PRKCB: variants seen among roughly 807,000 people sequenced by gnomAD.
PRKCB encodes the protein protein kinase C beta type.
In PRKCB, 13 loss-of-function variants were observed where a neutral mutation model predicts 81.5. The observed-to-expected ratio is 0.16, with a 90% CI of 0.10 to 0.25. The LOEUF (loss-of-function observed/expected upper bound fraction) is 0.25. Ranked by LOEUF, PRKCB falls within the 10% of genes least tolerant of loss-of-function variation. The probability of loss-of-function intolerance (pLI) is 1.00; values close to 1 mark genes in which losing one functional copy is unlikely to be tolerated. For missense variants in PRKCB, 509 were observed against 875.7 expected (o/e 0.58, Z 5.29); for synonymous variants, 335 against 321.4 (o/e 1.04, Z -0.45).
chr16:24,193,452 T>TAAATAAATAAATA (rs1349389540), intron 16 of PRKCB, among the ~76,000 whole-genome samples: 23 of 7,934 alleles, frequency 2.9e-3, no homozygotes, highest in African/African-American at 0.012. Context: ...CTCAAATAAA[T>TAAATAAATAAATA]AAATAAATAA....
At chr16:23,869,672 C>T (rs910424292) in intron 2 of PRKCB, among the ~76,000 whole-genome samples, 1 of 152,012 alleles carries the variant, frequency 6.6e-6, no homozygotes, top group Non-Finnish European at 1.5e-5. Context: ...TTCATTTCAA[C>T]CCATTTATTT....
chr16:23,970,154 G>T (rs1294288947), intron 2 of PRKCB, among the ~76,000 whole-genome samples: 4 of 152,254 alleles, frequency 2.6e-5, no homozygotes, highest in Non-Finnish European at 4.4e-5. Context: ...AGAAGGCTGA[G>T]TTAAGAGACT....
intron 2 of PRKCB, among the ~76,000 whole-genome samples, chr16:23,934,973 T>A (rs796827793): frequency 1.4e-4 from 21 of 152,290 alleles, no homozygotes; most frequent in African/African-American, 5.1e-4. Context: ...AATGCTTGAG[T>A]CTTTGAGTAT....
chr16:23,866,404 C>CA (rs1377843238), intron 2 of PRKCB, among the ~76,000 whole-genome samples: 1 of 152,174 alleles, frequency 6.6e-6, no homozygotes, highest in Non-Finnish European at 1.5e-5. Context: ...AGTACAATCT[C>CA]ATCAGGATAA....
intron 2 of PRKCB, among the ~76,000 whole-genome samples, chr16:23,987,795 G>GAACAAC (rs147920262): frequency 2.4e-4 from 36 of 151,966 alleles, no homozygotes; most frequent in African/African-American, 8.5e-4. Flanking sequence ...AAGATGATTT[G>GAACAAC]AACAACAACA....
intron 10 of PRKCB, among the ~76,000 whole-genome samples, chr16:24,160,358 G>A (rs2141957747): frequency 6.6e-6 from 1 of 152,274 alleles, no homozygotes; most frequent in South Asian, 2.1e-4. Context: ...TGAGCAGGAA[G>A]GTGACACCTC....
intron 2 of PRKCB, among the ~76,000 whole-genome samples, chr16:23,863,084 A>C: frequency 6.7e-6 from 1 of 148,156 alleles, no homozygotes; most frequent in Non-Finnish European, 1.5e-5. Flanking sequence ...TATGATTTAT[A>C]TATATGATTA....
chr16:24,012,714 G>A (rs142556014), intron 3 of PRKCB, among the ~76,000 whole-genome samples: 12 of 152,328 alleles, frequency 7.9e-5, no homozygotes, highest in African/African-American at 1.2e-4. Flanking sequence ...TTGTGTCAGC[G>A]TACCACAAGG....
At chr16:23,858,991 TGTGGTGGCTC>T (rs1398233575) in intron 2 of PRKCB, among the ~76,000 whole-genome samples, 1 of 151,836 alleles carries the variant, frequency 6.6e-6, no homozygotes, top group Non-Finnish European at 1.5e-5. Context: ...ATGAGCTAGG[TGTGGTGGCTC>T]GTGCTTATAT....
chr16:24,112,166 T>G (rs767477720), intron 7 of PRKCB, among the ~76,000 whole-genome samples: 5 of 152,180 alleles, frequency 3.3e-5, no homozygotes, highest in Admixed American at 6.5e-5. Flanking sequence ...GTCACCTAAA[T>G]GCAGTTGAGT....
intron 11 of PRKCB, chr16:24,174,268 G>T (rs1268135426): frequency 9.3e-6 from 4 of 431,008 alleles, no homozygotes; most frequent in Non-Finnish European, 1.7e-5. Context: ...CATATCCCAT[G>T]TCCCCTTCTC....
chr16:24,119,640 C>T (rs530467530), intron 8 of PRKCB, among the ~76,000 whole-genome samples: 44 of 152,000 alleles, frequency 2.9e-4, no homozygotes, highest in Admixed American at 5.2e-4. Flanking sequence ...TGGGTCAGGC[C>T]AGCTTGGGGG....
intron 2 of PRKCB, among the ~76,000 whole-genome samples, chr16:23,938,330 C>T (rs928468073): frequency 6.6e-6 from 1 of 152,158 alleles, no homozygotes; most frequent in Non-Finnish European, 1.5e-5. Context: ...TAAAAAGGCA[C>T]TGCAAATCTA....
chr16:23,952,523 T>A (rs1432659691), intron 2 of PRKCB, among the ~76,000 whole-genome samples: 1 of 152,126 alleles, frequency 6.6e-6, no homozygotes, highest in Non-Finnish European at 1.5e-5. Context: ...TTGCATTTGT[T>A]TCTGGGAGGG....
At chr16:24,124,942 ATCTC>A (rs1351946718) in intron 9 of PRKCB, among the ~76,000 whole-genome samples, 2 of 152,060 alleles carry the variant, frequency 1.3e-5, no homozygotes, top group African/African-American at 4.8e-5. Context: ...ACTTCTCTTC[ATCTC>A]TCTAATACCA....
chr16:23,885,026 A>G (rs537422275), intron 2 of PRKCB, among the ~76,000 whole-genome samples: 2 of 152,324 alleles, frequency 1.3e-5, no homozygotes, highest in South Asian at 4.1e-4. Flanking sequence ...AGCAAACTCA[A>G]GATAATAGTA....
chr16:24,177,013 A>G lies in PRKCB; in HGVS notation c.1394+2433A>G, dbSNP rs73548567. Among the ~76,000 whole-genome samples the G allele has an allele frequency of 8.9e-3, 1,359 of 152,254 alleles. 14 individuals are homozygous for G. The highest frequency in any genetic ancestry group is 0.031 in the African/African-American group (1,286 of 41,548). ...GGCATCATGGGTGATTTTTCACTCT[A>G]CATGATTTTCAACTTGGGTGCTGAC... On this transcript the variant is annotated intron_variant, in intron 12 of 16. Transcript: ENST00000643927.
chr16:24,157,187 C>T (rs916099624), intron 10 of PRKCB, among the ~76,000 whole-genome samples: 2 of 152,130 alleles, frequency 1.3e-5, no homozygotes, highest in East Asian at 3.9e-4. Flanking sequence ...CAGGGATTGT[C>T]ATGTGCCAGG....
chr16:23,903,431 A>G (rs1396069380), intron 2 of PRKCB, among the ~76,000 whole-genome samples: 2 of 152,020 alleles, frequency 1.3e-5, no homozygotes, highest in Non-Finnish European at 2.9e-5. Flanking sequence ...AAGATTCTCA[A>G]AGCTTCATCA....
Sources: allele counts gnomAD v4.1 joint callset (sites outside exome capture counted in the v4.1 genomes callset), GRCh38; gene constraint gnomAD v4.1.1; transcripts MANE v1.5; gene names NCBI Gene and HGNC (gene_info 2026-07-23, HGNC 2026-07-21).